The following SLC26A4 variants were observed in gnomAD, a reference collection of about 807,000 sequenced individuals.
The protein encoded by SLC26A4 is pendrin.
SLC26A4 carries 93 observed loss-of-function variants against 90.4 expected under a neutral mutation model. The observed-to-expected ratio is 1.03, with a 90% CI of 0.87 to 1.22. SLC26A4 has a LOEUF of 1.22. Ranked by LOEUF, SLC26A4 falls within the 50% of genes most tolerant of loss-of-function variation. The probability of loss-of-function intolerance (pLI) is 0.00; values close to 1 mark genes in which losing one functional copy is unlikely to be tolerated. For synonymous variants in SLC26A4, 393 were observed against 354.6 expected, an observed-to-expected ratio of 1.11 and a Z score of -1.22; for missense variants, 1,127 against 946.2, an observed-to-expected ratio of 1.19 and a Z score of -2.51.
intron 6 of SLC26A4, among the ~76,000 whole-genome samples, chr7:107,682,591 G>T (rs1351444960): frequency 1.3e-5 from 2 of 151,694 alleles, no homozygotes; most frequent in African/African-American, 2.4e-5. Context: ...ATATCATTCA[G>T]GTTTAGGAAA....
chr7:107,700,245 A>G, intron 15 of SLC26A4, 70 bp downstream of exon 15: 1 of 800,486 alleles, frequency 1.2e-6, no homozygotes, highest in South Asian at 1.4e-5. Context: ...ACAAGTATTT[A>G]CTGGGGTCCA....
At chr7:107,705,721 G>A (rs182690926) in intron 18 of SLC26A4, among the ~76,000 whole-genome samples, 1 of 152,330 alleles carries the variant, frequency 6.6e-6, no homozygotes, top group Admixed American at 6.5e-5. Flanking sequence ...ATCCTGCCAA[G>A]TGAAAGAGGT....
chr7:107,669,528 G>C (rs946614481), intron 3 of SLC26A4, among the ~76,000 whole-genome samples: 15 of 152,144 alleles, frequency 9.9e-5, no homozygotes, highest in African/African-American at 3.6e-4. Context: ...CTTCTGTGGA[G>C]TCACCTTCCT....
In SLC26A4 at chr7:107,676,137, T is replaced by C. The variant is rs537287489; in HGVS notation, c.765+1028T>C. On this transcript the variant is annotated intron_variant, in intron 6 of 20. Coordinates refer to ENST00000644269, the MANE Select transcript of SLC26A4 (RefSeq NM_000441.2). ...ACCTTGATTCATATTCTGGCTCTACTGTCTACTAGCCATGTGAGCCAATCA... is the reference window on the plus strand; with the variant it reads ...ACCTTGATTCATATTCTGGCTCTACCGTCTACTAGCCATGTGAGCCAATCA... Among the ~76,000 whole-genome samples the C allele has an allele frequency of 5.3e-4, 80 of 152,312 alleles. 1 individual carries two copies. In the South Asian group the frequency reaches 0.016, roughly 30 times the overall value.
In SLC26A4 at chr7:107,680,022, T is replaced by A. The variant is rs1195443835; in HGVS notation, c.766-3180T>A. Reference sequence around the variant, plus strand: ...TCTTATCTTATTATATAATATAATCTTATTATATAATATAATCTTATCTTA... The same window carrying A: ...TCTTATCTTATTATATAATATAATCATATTATATAATATAATCTTATCTTA... On this transcript the variant is annotated intron_variant, in intron 6 of 20. Transcript: ENST00000644269. Among the ~76,000 whole-genome samples, 42 of 125,548 alleles carry A rather than the reference T, an allele frequency of 3.3e-4. 1 individual carries two copies. The highest frequency in any genetic ancestry group is 3.0e-3 in the South Asian group (13 of 4,316). 82.4% of individuals were successfully genotyped at this position (125,548 alleles called of 152,430 possible).
intron 6 of SLC26A4, among the ~76,000 whole-genome samples, chr7:107,680,403 C>CTTATTATATAATCTTATA (rs1791199060): frequency 7.3e-6 from 1 of 136,492 alleles, no homozygotes; most frequent in Non-Finnish European, 1.5e-5. Flanking sequence ...ATAATCTTAT[C>CTTATTATATAATCTTATA]TTATTATATA....
In SLC26A4 at chr7:107,671,265, C is replaced by T. The variant is rs2129310998; in HGVS notation, c.305-873C>T. 1.3e-5 allele frequency among the ~76,000 whole-genome samples: 2 copies of T among 152,144 alleles called. 1 individual carries two copies. The highest frequency in any genetic ancestry group is 4.2e-4 in the South Asian group (2 of 4,812). ...GTAACCTCAAACTCCTGGGCTCAAA[C>T]AATCCTCCTGCCTCAGCCTCCTTAA... On this transcript the variant is annotated intron_variant, in intron 3 of 20. Coordinates refer to ENST00000644269, the MANE Select transcript of SLC26A4 (RefSeq NM_000441.2).
Position 107,704,324 on chromosome 7 carries a change from T to C in SLC26A4, c.2035-7T>C, listed in dbSNP as rs779474317. On this transcript the variant is annotated splice_polypyrimidine_tract_variant and splice_region_variant and intron_variant, in intron 17 of 20. Coordinates refer to ENST00000644269, the MANE Select transcript of SLC26A4 (RefSeq NM_000441.2). ...AATTGTTACAAACTCTCCTTTTTTA[T>C]TTTTAGATTGTCAAAGAATTCCAAA... 2.5e-5 allele frequency: 32 copies of C among 1,302,404 alleles called. No homozygotes were observed. In the South Asian group the frequency reaches 3.9e-4, roughly 16 times the overall value. The allele number at this position is 1,302,404 out of a possible 1,614,324, so 80.7% of individuals were successfully genotyped here.
rs758525465 is a variant in SLC26A4, at chr7:107,661,595, C to G, written c.-3-44C>G. 3.3e-6 allele frequency: 5 copies of G among 1,536,810 alleles called. No individual in the cohort carries two copies. The Admixed American group carries it at 9.8e-5, about 30-fold the overall frequency. On this transcript the variant is annotated intron_variant, in intron 1 of 20. Transcript: ENST00000644269. This position sits in a 1 kb window ranked among gnomAD's most constrained non-coding sequence, Gnocchi z 5.1. ...CTCGCTCTTCCCCTCCGATCGTCCT[C>G]GCTTACCGCGTGTCCTCCCTCCTCG...
intron 3 of SLC26A4, among the ~76,000 whole-genome samples, chr7:107,663,949 C>T (rs1327067533): frequency 2.6e-5 from 4 of 152,112 alleles, no homozygotes; most frequent in African/African-American, 2.4e-5. Context: ...TCCCAAAATG[C>T]TGGGATTACA....
At chr7:107,686,267 T>A (rs146691481) in intron 8 of SLC26A4, among the ~76,000 whole-genome samples, 1 of 141,918 alleles carries the variant, frequency 7.0e-6, no homozygotes, top group Non-Finnish European at 1.5e-5. Context: ...TTTCTTCCCT[T>A]CCTTCCCTCC....
In SLC26A4 at chr7:107,683,532, A is replaced by G. The variant is rs1422213429; in HGVS notation, c.996A>G (p.Pro332=). The change falls in exon 8 of 21, where the codon CCA becomes CCG. Residue 332 remains proline, a synonymous_variant. Coordinates refer to ENST00000644269, the MANE Select transcript of SLC26A4 (RefSeq NM_000441.2). ...ATGCTGGCATTGTTAAATCCATCCC[A>G]AGGGGGTGAGTGTGGTGTTCCTCTT... ...NYNAGIVKSI[P]RGFLPPELPP... is the part of the protein sequence containing the mutation. 1 of 1,613,332 alleles carries G rather than the reference A, an allele frequency of 6.2e-7. No homozygotes were observed. Among genetic ancestry groups the G allele is most frequent in the Admixed American group, 1.7e-5 (1 of 59,986 alleles).
intron 19 of SLC26A4, among the ~76,000 whole-genome samples, chr7:107,710,770 T>A (rs1792163420): frequency 6.6e-6 from 1 of 152,186 alleles, no homozygotes; most frequent in African/African-American, 2.4e-5. Flanking sequence ...TGGGTATTAT[T>A]TTGTTAATTT....
At chr7:107,684,914 T>C (rs368487740) in intron 8 of SLC26A4, among the ~76,000 whole-genome samples, 48 of 152,304 alleles carry the variant, frequency 3.2e-4, no homozygotes, top group African/African-American at 9.9e-4. Context: ...CCCTGTCCCA[T>C]CCATCCGTGT....
chr7:107,685,897 C>T (rs929814123), intron 8 of SLC26A4, among the ~76,000 whole-genome samples: 1 of 151,748 alleles, frequency 6.6e-6, no homozygotes, highest in Non-Finnish European at 1.5e-5. Flanking sequence ...TGCTCACGCA[C>T]GTGTATGTGT....
chr7:107,693,606 G>A, intron 10 of SLC26A4: 2 of 985,428 alleles, frequency 2.0e-6, no homozygotes, highest in Non-Finnish European at 2.4e-6. Flanking sequence ...AGAATTCATT[G>A]GTCATCTAAT....
chr7:107,688,538 C>A (rs913440617), intron 8 of SLC26A4, among the ~76,000 whole-genome samples: 2 of 152,138 alleles, frequency 1.3e-5, no homozygotes, highest in African/African-American at 4.8e-5. Flanking sequence ...TTAATTTAAT[C>A]TTTTTTGCCT....
chr7:107,694,790 T>C, intron 12 of SLC26A4, 74 bp downstream of exon 12: 4 of 966,000 alleles, frequency 4.1e-6, no homozygotes, highest in Non-Finnish European at 6.7e-6. Context: ...ATCACTATAT[T>C]CCCCCCATCC....
At chr7:107,693,789 T>C (rs1791649337) in intron 10 of SLC26A4, 2 of 854,714 alleles carry the variant, frequency 2.3e-6, no homozygotes, top group Non-Finnish European at 2.8e-6. Context: ...GCTCTGAGCC[T>C]GCCTCCGTGG....
Sources: gnomAD v4.1 joint callset for allele counts (sites outside exome capture counted in the v4.1 genomes callset) on GRCh38, gnomAD v4.1.1 for gene constraint, Gnocchi (gnomAD v3.1) non-coding constraint, MANE v1.5 for transcripts, NCBI Gene and HGNC (gene_info 2026-07-23, HGNC 2026-07-21) for gene names.